RIMS1: variants seen among roughly 807,000 people sequenced by gnomAD.
The protein encoded by RIMS1 is regulating synaptic membrane exocytosis protein 1.
In RIMS1, 83 loss-of-function variants were observed where a neutral mutation model predicts 214.1. That is an observed-to-expected ratio of 0.39 (90% CI 0.32 to 0.47). RIMS1 has a LOEUF of 0.47. Among genes scored for constraint, RIMS1 ranks in the 20% least tolerant of loss-of-function variants. The pLI, the probability that RIMS1 is intolerant of heterozygous loss-of-function variation, is 0.99. For synonymous variants in RIMS1, 793 were observed against 786.8 expected, an observed-to-expected ratio of 1.01 and a Z score of -0.13; for missense variants, 2,050 against 2,161.8, an observed-to-expected ratio of 0.95 and a Z score of 1.03.
At chr6:72,374,554 C>G (rs1261731600) in intron 29 of RIMS1, among the ~76,000 whole-genome samples, 1 of 152,164 alleles carries the variant, frequency 6.6e-6, no homozygotes, top group Non-Finnish European at 1.5e-5. Flanking sequence ...TATTTTCTCT[C>G]TTGTCATATC....
At position 72,183,795 on chromosome 6, in the gene RIMS1, T is replaced by A. The variant is rs750621726; in HGVS notation, c.1678+646T>A. On this transcript the variant is annotated intron_variant, in intron 6 of 33. Coordinates refer to ENST00000521978, the MANE Select transcript of RIMS1 (RefSeq NM_014989.7). ...TAATAAAATAAGAAAAAGTTAGGTA[T>A]GTCATGAATGCATACTATATATATA... Among the ~76,000 whole-genome samples, 22 of 152,236 alleles carry A rather than the reference T, an allele frequency of 1.4e-4. No individual in the cohort carries two copies. The Middle Eastern group carries it at 0.01, about 71-fold the overall frequency.
chr6:72,148,860 G>A (rs768270743), intron 4 of RIMS1, among the ~76,000 whole-genome samples: 5 of 152,078 alleles, frequency 3.3e-5, no homozygotes, highest in Non-Finnish European at 5.9e-5. Flanking sequence ...GGTAGTTGGG[G>A]CCACTTCTCT....
intron 2 of RIMS1, among the ~76,000 whole-genome samples, chr6:72,026,172 T>C (rs1209660063): frequency 1.3e-5 from 2 of 152,116 alleles, no homozygotes; most frequent in African/African-American, 2.4e-5. Context: ...ATCTTGGAGG[T>C]TGGCTACCAC....
At chr6:72,179,203 C>CT (rs1046917975) in intron 4 of RIMS1, among the ~76,000 whole-genome samples, 11 of 151,062 alleles carry the variant, frequency 7.3e-5, no homozygotes, top group Admixed American at 4.0e-4. Flanking sequence ...TAACATTTTT[C>CT]TTTTTTTTTC....
intron 4 of RIMS1, among the ~76,000 whole-genome samples, chr6:72,105,123 A>G (rs1385796666): frequency 6.6e-6 from 1 of 152,026 alleles, no homozygotes; most frequent in Non-Finnish European, 1.5e-5. Flanking sequence ...TTGTAGTTAT[A>G]GGGCCTTCCT....
At chr6:72,391,572 AT>A (rs569511367) in intron 30 of RIMS1, among the ~76,000 whole-genome samples, 51 of 152,224 alleles carry the variant, frequency 3.4e-4, no homozygotes, top group African/African-American at 1.2e-3. Flanking sequence ...CCAATTTGAT[AT>A]TTCTAATTTC....
chr6:72,026,958 G>T (rs1439823813), intron 2 of RIMS1, among the ~76,000 whole-genome samples: 1 of 152,088 alleles, frequency 6.6e-6, no homozygotes, highest in African/African-American at 2.4e-5. Context: ...AATCAGATGG[G>T]AAAATCATTT....
intron 1 of RIMS1, among the ~76,000 whole-genome samples, chr6:71,920,652 A>G (rs1779701067): frequency 1.3e-5 from 2 of 152,178 alleles, no homozygotes; most frequent in African/African-American, 4.8e-5. Flanking sequence ...TTATGTCCTG[A>G]GACTAAATAA....
chr6:72,400,439 C>G, intron 33 of RIMS1, 57 bp from the exon 34 acceptor site: 1 of 1,490,714 alleles, frequency 6.7e-7, no homozygotes, highest in Non-Finnish European at 9.4e-7. Flanking sequence ...GCTTTGAGCC[C>G]TTCGAATGTG....
chr6:72,297,994 C>T (rs11752841), intron 26 of RIMS1, among the ~76,000 whole-genome samples: 2 of 151,878 alleles, frequency 1.3e-5, no homozygotes, highest in African/African-American at 4.8e-5. Context: ...GTACACAAGC[C>T]AAGGGGTTCA....
intron 2 of RIMS1, among the ~76,000 whole-genome samples, chr6:72,031,589 A>G (rs1818122669): frequency 6.6e-6 from 1 of 152,116 alleles, no homozygotes; most frequent in African/African-American, 2.4e-5. Flanking sequence ...ATAGGAAAAA[A>G]TTTCATATGA....
At chr6:72,036,405 C>T (rs1819624387) in intron 2 of RIMS1, among the ~76,000 whole-genome samples, 1 of 152,030 alleles carries the variant, frequency 6.6e-6, no homozygotes, top group Non-Finnish European at 1.5e-5. Context: ...TTCATGCATC[C>T]CTGCACTTAT....
At chr6:72,072,163 G>C (rs1830721685) in intron 2 of RIMS1, among the ~76,000 whole-genome samples, 1 of 152,152 alleles carries the variant, frequency 6.6e-6, no homozygotes, top group Non-Finnish European at 1.5e-5. Context: ...AGGAAATTTA[G>C]ATTAAATTAC....
At chr6:72,024,553 T>C (rs1815738297) in intron 2 of RIMS1, among the ~76,000 whole-genome samples, 1 of 152,202 alleles carries the variant, frequency 6.6e-6, no homozygotes, top group South Asian at 2.1e-4. Flanking sequence ...AATATCATTG[T>C]CAATATATTT....
chr6:72,079,691 C>T (rs745901297), intron 2 of RIMS1, among the ~76,000 whole-genome samples: 4 of 152,008 alleles, frequency 2.6e-5, no homozygotes, highest in Non-Finnish European at 5.9e-5. Flanking sequence ...GGAGACCAGC[C>T]TGGATAACAT....
At chr6:72,339,920 A>G (rs1255348297) in intron 29 of RIMS1, among the ~76,000 whole-genome samples, 3 of 151,760 alleles carry the variant, frequency 2.0e-5, no homozygotes, top group African/African-American at 7.2e-5. Flanking sequence ...AAGTGTTCCT[A>G]TTTCTCCACA....
intron 1 of RIMS1, among the ~76,000 whole-genome samples, chr6:71,898,092 T>C (rs1258660848): frequency 6.6e-6 from 1 of 152,174 alleles, no homozygotes; most frequent in Non-Finnish European, 1.5e-5. Context: ...TGTATCTTGA[T>C]TTATCATTCT....
At chr6:72,360,428 A>G (rs2097778379) in intron 29 of RIMS1, among the ~76,000 whole-genome samples, 1 of 152,164 alleles carries the variant, frequency 6.6e-6, no homozygotes, top group African/African-American at 2.4e-5. Flanking sequence ...ATTACTTGGA[A>G]TCTGTATTTG....
intron 8 of RIMS1, among the ~76,000 whole-genome samples, chr6:72,237,365 C>T (rs1377755177): frequency 6.6e-6 from 1 of 152,080 alleles, no homozygotes; most frequent in African/African-American, 2.4e-5. Context: ...CAAAACTGTG[C>T]TCCCAGCTAC....
Sources: gnomAD v4.1 joint callset for allele counts (sites outside exome capture counted in the v4.1 genomes callset) on GRCh38, gnomAD v4.1.1 for gene constraint, MANE v1.5 for transcripts, NCBI Gene and HGNC (gene_info 2026-07-23, HGNC 2026-07-21) for gene names.